NRG2: variants seen among roughly 807,000 people sequenced by gnomAD.
The protein encoded by NRG2 is pro-neuregulin-2, membrane-bound isoform.
Under a neutral mutation model 73.9 loss-of-function variants are expected in NRG2, and 27 were observed. The ratio of observed to expected loss-of-function variants is 0.37; its 90% CI spans 0.27 to 0.50. The LOEUF (loss-of-function observed/expected upper bound fraction) is 0.50. NRG2 is among the 20% of genes least tolerant of loss of function. The probability of loss-of-function intolerance (pLI) is 0.96; values close to 1 mark genes in which losing one functional copy is unlikely to be tolerated. For missense variants in NRG2, 1,126 were observed against 1,210.1 expected, an observed-to-expected ratio of 0.93 and a Z score of 1.03; for synonymous variants, 532 against 541.0, an observed-to-expected ratio of 0.98 and a Z score of 0.23.
rs561320331 is a variant in NRG2 at position 139,965,810 on chromosome 5, G to C, written c.700+76560C>G. On this transcript the variant is annotated intron_variant, in intron 1 of 9. Transcript: ENST00000361474. ...TGCCAAGGTCAGGATGTGACTGTGA[G>C]GTAAAGCCAGCAGAGGTATGGATGT... is the stretch of plus-strand genomic sequence containing the variant. 5.3e-5 allele frequency among the ~76,000 whole-genome samples: 8 copies of C among 152,316 alleles called. No individual in the cohort carries two copies. The East Asian group carries it at 1.5e-3, about 29-fold the overall frequency.
intron 1 of NRG2, among the ~76,000 whole-genome samples, chr5:139,951,050 C>T (rs1249340926): frequency 6.6e-6 from 1 of 152,200 alleles, no homozygotes. Flanking sequence ...TGTCACACTG[C>T]AGAGAAGAGG....
Position 139,954,430 on chromosome 5 carries a change from TCCTG to T in NRG2, c.701-66923_701-66920del, listed in dbSNP as rs1283681326. On this transcript the variant is annotated intron_variant, in intron 1 of 9. Transcript: ENST00000361474. The surrounding 1 kb of genome is among the most constrained non-coding windows in gnomAD (Gnocchi z 5.0). The stretch of plus-strand genomic sequence containing the variant: ...AATTGTGCCAGCACTCTCCTGGCTG[TCCTG>T]CCTGTTTTCTCCCTTCCAATTCATC... Among the ~76,000 whole-genome samples, 2 of 152,198 alleles carry T rather than the reference TCCTG, an allele frequency of 1.3e-5. No homozygotes were observed. The highest frequency in any genetic ancestry group is 2.9e-5 in the Non-Finnish European group (2 of 68,012).
intron 1 of NRG2, among the ~76,000 whole-genome samples, chr5:139,998,179 A>C (rs572366240): frequency 1.3e-5 from 2 of 152,302 alleles, no homozygotes; most frequent in Non-Finnish European, 2.9e-5. Context: ...TCTCTCTGTT[A>C]CCAGTGAAAA....
At chr5:139,867,797 T>TGTGTG (rs59687459) in intron 4 of NRG2, among the ~76,000 whole-genome samples, 3 of 101,884 alleles carry the variant, frequency 2.9e-5, no homozygotes, top group Admixed American at 9.0e-5. Context: ...TGTGTGTGTG[T>TGTGTG]ATGAGTGTGT....
rs79290610 is a variant in NRG2, at chr5:139,955,280, G to A, written c.701-67769C>T. On this transcript the variant is annotated intron_variant, in intron 1 of 9. Transcript: ENST00000361474. ...CTCAGAGGAGGTGACGGACAAGTGG[G>A]GACCTGAAAGCCAAATAGGAGTTAG... Among the ~76,000 whole-genome samples, 582 of 152,228 alleles carry A rather than the reference G, an allele frequency of 3.8e-3. 6 individuals are homozygous for A. The highest frequency in any genetic ancestry group is 0.013 in the African/African-American group (548 of 41,524).
Position 139,848,585 on chromosome 5 carries a change from C to G in NRG2, c.1885G>C (p.Val629Leu), listed in dbSNP as rs748595393. ...EITSPNSAHA[V>L]SLPPAAPISY... ...ATGGGCGCCGCCGGCGGCAGCGACA[C>G]GGCGTGCGCCGAGTTGGGGGACGTG... Residue 629 changes from valine to leucine, a missense_variant, in exon 10 of 10, where the codon GTG (valine) becomes CTG (leucine). Val to Leu is a conservative substitution (Grantham distance 32). Around this residue, in one of 3 missense-constraint regions of NRG2, gnomAD observed 402 missense variants for 357.8 expected, o/e 1.12. Coordinates refer to ENST00000361474, the MANE Select transcript of NRG2 (RefSeq NM_004883.3). The G allele has an allele frequency of 3.2e-6, 5 of 1,562,226 alleles. No homozygotes were observed. In the East Asian group the frequency reaches 1.2e-4, roughly 39 times the overall value.
chr5:139,888,844 C>A (rs1192822060), intron 1 of NRG2, among the ~76,000 whole-genome samples: 3 of 152,086 alleles, frequency 2.0e-5, no homozygotes, highest in African/African-American at 7.2e-5. Flanking sequence ...CAAAACCTTC[C>A]TTTGTCTCCA....
chr5:139,943,745 A>G (rs1753584523), intron 1 of NRG2, among the ~76,000 whole-genome samples: 1 of 152,214 alleles, frequency 6.6e-6, no homozygotes, highest in Non-Finnish European at 1.5e-5. Flanking sequence ...CACCAGTAAT[A>G]AAAATAAAAT....
At chr5:139,910,719 A>G (rs960247616) in intron 1 of NRG2, among the ~76,000 whole-genome samples, 5 of 152,054 alleles carry the variant, frequency 3.3e-5, no homozygotes, top group African/African-American at 1.2e-4. Context: ...CTCCTATGGG[A>G]CACAAGTTCA....
At position 139,887,554 on chromosome 5, in the gene NRG2, G is replaced by C. The variant is rs944883764; in HGVS notation, c.701-43C>G. The C allele has an allele frequency of 6.3e-7, 1 of 1,590,468 alleles. No individual in the cohort carries two copies. The highest frequency in any genetic ancestry group is 8.6e-7 in the Non-Finnish European group (1 of 1,161,842). The stretch of plus-strand genomic sequence containing the variant: ...GGTAGGTGAGCACGGTGGTGGTAGG[G>C]GCAGTGCCAAGCATGAGTAGTGGAG... On this transcript the variant is annotated intron_variant, in intron 1 of 9. Transcript: ENST00000361474. The surrounding 1 kb of genome is among the most constrained non-coding windows in gnomAD (Gnocchi z 4.5).
At chr5:139,884,683 T>C (rs940186148) in intron 2 of NRG2, among the ~76,000 whole-genome samples, 3 of 152,188 alleles carry the variant, frequency 2.0e-5, no homozygotes, top group Non-Finnish European at 2.9e-5. Context: ...GATTCTATAG[T>C]AGAAGCTAGA....
chr5:139,860,029 G>A lies in NRG2; in HGVS notation c.1190-4251C>T, dbSNP rs1762053025. 1.5e-5 allele frequency: 16 copies of A among 1,039,032 alleles called. No homozygotes were observed. The South Asian group carries it at 2.1e-4, about 14-fold the overall frequency. 64.4% of individuals were successfully genotyped at this position (1,039,032 alleles called of 1,614,324 possible). ...GTTGGTCAGGACTCCTCAGACACCGGGCAGCCATCCTGCGAGGTGAAAGCA... is the reference window on the plus strand; with the variant it reads ...GTTGGTCAGGACTCCTCAGACACCGAGCAGCCATCCTGCGAGGTGAAAGCA... On this transcript the variant is annotated intron_variant, in intron 5 of 9. Transcript: ENST00000361474.
At position 139,887,332 on chromosome 5, in the gene NRG2, T is replaced by C. The variant is rs1194218526; in HGVS notation, c.872+8A>G. The stretch of plus-strand genomic sequence containing the variant: ...GCTTGGATGGAGGACAGGCTGGATA[T>C]TGCTTACCTGCCGTTGCCATATTTG... On this transcript the variant is annotated splice_region_variant and intron_variant, in intron 2 of 9. Transcript: ENST00000361474. The surrounding 1 kb of genome is among the most constrained non-coding windows in gnomAD (Gnocchi z 4.5). 2 of 1,614,026 alleles carry C rather than the reference T, an allele frequency of 1.2e-6. No individual in the cohort carries two copies. Among genetic ancestry groups the C allele is most frequent in the Non-Finnish European group, 8.5e-7 (1 of 1,179,870 alleles).
chr5:140,027,289 A>G (rs1277149583), intron 1 of NRG2, among the ~76,000 whole-genome samples: 5 of 152,202 alleles, frequency 3.3e-5, no homozygotes, highest in Admixed American at 3.3e-4. Flanking sequence ...AGGCCTCTCC[A>G]TAGATCTTAA....
At position 139,853,578 on chromosome 5, in the gene NRG2, C is replaced by T. The variant is rs193208172; in HGVS notation, c.1293-551G>A. Among the ~76,000 whole-genome samples, 130 of 152,290 alleles carry T rather than the reference C, an allele frequency of 8.5e-4. No individual in the cohort carries two copies. Among genetic ancestry groups the T allele is most frequent in the Non-Finnish European group, 1.7e-3 (116 of 68,022 alleles). On this transcript the variant is annotated intron_variant, in intron 6 of 9. Transcript: ENST00000361474. The surrounding 1 kb of genome is among the most constrained non-coding windows in gnomAD (Gnocchi z 4.1). ...AACAAAGCAATGAACTAGATACTTT[C>T]AATAAAGTTCCATGAAGAAAATAAA...
intron 1 of NRG2, among the ~76,000 whole-genome samples, chr5:139,928,510 T>C (rs1201316652): frequency 6.6e-6 from 1 of 152,202 alleles, no homozygotes; most frequent in Non-Finnish European, 1.5e-5. Context: ...TCTAGAAGCA[T>C]ATGAACCCCG....
chr5:139,951,469 T>G (rs530086784), intron 1 of NRG2, among the ~76,000 whole-genome samples: 19 of 152,294 alleles, frequency 1.2e-4, no homozygotes, highest in Non-Finnish European at 2.5e-4. Flanking sequence ...TGCCACATGC[T>G]GTAGTCAGGA....
chr5:139,852,934 C>G lies in NRG2; in HGVS notation c.1386G>C (p.Arg462=). The G allele has an allele frequency of 6.2e-7, 1 of 1,612,606 alleles. No homozygotes were observed. The highest frequency in any genetic ancestry group is 8.5e-7 in the Non-Finnish European group (1 of 1,179,530). Residue 462 remains arginine (R), a synonymous_variant, in exon 7 of 10, where the codon CGG becomes CGC. Coordinates refer to ENST00000361474, the MANE Select transcript of NRG2 (RefSeq NM_004883.3). This position sits in a 1 kb window ranked among gnomAD's most constrained non-coding sequence, Gnocchi z 4.4. The part of the protein sequence containing the change: ...RSLANGPSHP[R]LDPEEIQMAD... ...CCATCTGGATCTCCTCTGGGTCCAG[C>G]CGGGGGTGGCTGGGCCCATTGGCCA... is the stretch of plus-strand genomic sequence containing the variant.
Position 139,904,514 on chromosome 5 carries a change from T to A in NRG2, c.701-17003A>T. ...GCCTTTCTTATAGGCGGTCACACCC[T>A]CCGGGGGAGGGGAGCAGCGAGCCTT... On this transcript the variant is annotated intron_variant, in intron 1 of 9. Coordinates refer to ENST00000361474, the MANE Select transcript of NRG2 (RefSeq NM_004883.3). The surrounding 1 kb of genome is among the most constrained non-coding windows in gnomAD (Gnocchi z 6.0). 1 of 540,868 alleles carries A rather than the reference T, an allele frequency of 1.8e-6. No homozygotes were observed. The highest frequency in any genetic ancestry group is 2.0e-5 in the African/African-American group (1 of 49,900). 33.5% of individuals were successfully genotyped at this position (540,868 alleles called of 1,614,324 possible).
Sources: allele counts gnomAD v4.1 joint callset (sites outside exome capture counted in the v4.1 genomes callset), GRCh38; gene constraint gnomAD v4.1.1; regional missense constraint gnomAD v4.1.1; non-coding constraint Gnocchi (gnomAD v3.1); transcripts MANE v1.5; gene names NCBI Gene and HGNC (gene_info 2026-07-23, HGNC 2026-07-21).